The following FAM117B variants were observed in gnomAD, a reference collection of about 807,000 sequenced individuals.
FAM117B encodes protein FAM117B.
Under a neutral mutation model 52.8 loss-of-function variants are expected in FAM117B, and 22 were observed. That is an observed-to-expected ratio of 0.42 (90% CI 0.30 to 0.59). The LOEUF (loss-of-function observed/expected upper bound fraction) is 0.59, where lower values mean the gene tolerates loss of function less well. FAM117B is among the 20% of genes least tolerant of loss of function. The pLI, the probability that FAM117B is intolerant of heterozygous loss-of-function variation, is 0.22. For synonymous variants in FAM117B, 309 were observed against 324.1 expected, an observed-to-expected ratio of 0.95 and a Z score of 0.50; for missense variants, 678 against 802.6, an observed-to-expected ratio of 0.84 and a Z score of 1.88.
At chr2:202,724,620 A>T in intron 2 of FAM117B, among the ~76,000 whole-genome samples, 1 of 152,228 alleles carries the variant, frequency 6.6e-6, no homozygotes. Flanking sequence ...AACTATGGTA[A>T]CTCTAGTTAT....
chr2:202,741,416 CAAAAAAAAAA>C (rs1156278814), intron 4 of FAM117B, among the ~76,000 whole-genome samples: 23 of 34,960 alleles, frequency 6.6e-4, no homozygotes, highest in African/African-American at 2.5e-3. Context: ...GACTCTGTCT[CAAAAAAAAAA>C]AAAAAAAAAA....
chr2:202,688,190 A>G (rs1452539508), intron 1 of FAM117B, among the ~76,000 whole-genome samples: 5 of 152,120 alleles, frequency 3.3e-5, no homozygotes, highest in African/African-American at 4.8e-5. Flanking sequence ...ATTCTTCTGT[A>G]TGCATACTTA....
chr2:202,712,397 C>T (rs1690971503), intron 2 of FAM117B, among the ~76,000 whole-genome samples: 1 of 146,140 alleles, frequency 6.8e-6, no homozygotes, highest in Admixed American at 6.8e-5. Context: ...TATCCTGCAA[C>T]CTTGCTGAAT....
intron 4 of FAM117B, among the ~76,000 whole-genome samples, chr2:202,751,347 CACTAAACTGT>C (rs1490452067): frequency 1.3e-5 from 2 of 152,118 alleles, no homozygotes; most frequent in African/African-American, 2.4e-5. Flanking sequence ...TTTAGCCACC[CACTAAACTGT>C]ATATAGAGTT....
chr2:202,640,063 A>G (rs995387004), intron 1 of FAM117B, among the ~76,000 whole-genome samples: 9 of 151,814 alleles, frequency 5.9e-5, no homozygotes, highest in Non-Finnish European at 1.2e-4. Context: ...TGAGGTCAGG[A>G]GTTCGAGACC....
rs113335973 is a variant in FAM117B at position 202,725,024 on chromosome 2, T to C, written c.846+15T>C. 1 of 1,590,618 alleles carries C rather than the reference T, an allele frequency of 6.3e-7. No individual in the cohort carries two copies. The highest frequency in any genetic ancestry group is 8.6e-7 in the Non-Finnish European group (1 of 1,161,966). ...AACTTAAGGAGGTCAGAAAAATGGT[T>C]CTAAGATAGTGGGTGTGGAAATATG... On this transcript the variant is annotated intron_variant, in intron 3 of 7. Transcript: ENST00000392238.
chr2:202,727,564 A>G (rs972708105), intron 4 of FAM117B, among the ~76,000 whole-genome samples: 3 of 152,158 alleles, frequency 2.0e-5, no homozygotes, highest in Non-Finnish European at 2.9e-5. Context: ...CAGTATGACA[A>G]CTATTTACAT....
At chr2:202,725,057 T>A (rs778278236) in intron 3 of FAM117B, 48 bp downstream of exon 3, 3 of 1,433,450 alleles carry the variant, frequency 2.1e-6, no homozygotes, top group Non-Finnish European at 2.9e-6. Flanking sequence ...ATGATCCTTT[T>A]GTTGGCTATT....
intron 2 of FAM117B, among the ~76,000 whole-genome samples, chr2:202,710,559 A>G (rs1306319787): frequency 6.6e-6 from 1 of 152,182 alleles, no homozygotes; most frequent in Non-Finnish European, 1.5e-5. Context: ...TCTTTGTATT[A>G]CAGACATTCC....
At chr2:202,644,865 T>C (rs1046928847) in intron 1 of FAM117B, among the ~76,000 whole-genome samples, 1 of 152,240 alleles carries the variant, frequency 6.6e-6, no homozygotes, top group African/African-American at 2.4e-5. Flanking sequence ...ACCACCATTC[T>C]GAAATGAGGA....
At chr2:202,708,201 C>T (rs1317292025) in intron 2 of FAM117B, among the ~76,000 whole-genome samples, 1 of 152,158 alleles carries the variant, frequency 6.6e-6, no homozygotes, top group African/African-American at 2.4e-5. Context: ...TTAACTGAAA[C>T]TTTATTTCCA....
intron 1 of FAM117B, among the ~76,000 whole-genome samples, chr2:202,642,366 A>ATATAT (rs1689785357): frequency 8.1e-6 from 1 of 122,776 alleles, no homozygotes; most frequent in Non-Finnish European, 1.7e-5. Flanking sequence ...TATATATATA[A>ATATAT]AATGAGTAGA....
At chr2:202,638,388 G>C (rs1409198742) in intron 1 of FAM117B, among the ~76,000 whole-genome samples, 1 of 152,140 alleles carries the variant, frequency 6.6e-6, no homozygotes, top group African/African-American at 2.4e-5. Flanking sequence ...GGAGAACTGG[G>C]TTGAATTAAG....
intron 1 of FAM117B, among the ~76,000 whole-genome samples, chr2:202,669,738 G>A (rs375036520): frequency 7.9e-5 from 12 of 151,980 alleles, no homozygotes; most frequent in South Asian, 2.1e-4. Flanking sequence ...CTTTTTTTCC[G>A]CCTTATCCTT....
At chr2:202,644,073 T>G (rs910514031) in intron 1 of FAM117B, among the ~76,000 whole-genome samples, 39 of 145,844 alleles carry the variant, frequency 2.7e-4, no homozygotes, top group South Asian at 6.5e-4. Flanking sequence ...TGTTTTTTTT[T>G]TTTTTTTTTT....
chr2:202,727,014 T>C (rs1691255082), intron 4 of FAM117B, among the ~76,000 whole-genome samples: 3 of 152,314 alleles, frequency 2.0e-5, no homozygotes, highest in Non-Finnish European at 4.4e-5. Context: ...TTTGATTTTT[T>C]AGTAGAACCC....
chr2:202,649,995 A>G lies in FAM117B; in HGVS notation c.601+14207A>G, dbSNP rs1689933872. Reference sequence around the variant, plus strand: ...TGATTCTCCCGCCTTTAGCCTCCCAAGTAGCTGGGATTACAGACGCCTACC... The same window carrying G: ...TGATTCTCCCGCCTTTAGCCTCCCAGGTAGCTGGGATTACAGACGCCTACC... On this transcript the variant is annotated intron_variant, in intron 1 of 7. Transcript: ENST00000392238. 3.3e-5 allele frequency among the ~76,000 whole-genome samples: 5 copies of G among 151,136 alleles called. No individual in the cohort carries two copies. The South Asian group carries it at 1.0e-3, about 32-fold the overall frequency.
chr2:202,735,999 C>T lies in FAM117B; in HGVS notation c.960+9636C>T, dbSNP rs181373060. ...GTTACTATAGCCTCAAGCAAGAAAGCCCTTCCATAGGATTTTCTTATTTCT... is the reference window on the plus strand; with the variant it reads ...GTTACTATAGCCTCAAGCAAGAAAGTCCTTCCATAGGATTTTCTTATTTCT... On this transcript the variant is annotated intron_variant, in intron 4 of 7. Coordinates refer to ENST00000392238, the MANE Select transcript of FAM117B (RefSeq NM_173511.4). Among the ~76,000 whole-genome samples the T allele has an allele frequency of 2.9e-3, 448 of 152,194 alleles. 1 individual carries two copies. The highest frequency in any genetic ancestry group is 4.7e-3 in the Non-Finnish European group (320 of 68,004).
At chr2:202,682,794 A>G (rs1483679695) in intron 1 of FAM117B, among the ~76,000 whole-genome samples, 1 of 152,250 alleles carries the variant, frequency 6.6e-6, no homozygotes, top group Non-Finnish European at 1.5e-5. Flanking sequence ...ACTTTTCTAA[A>G]TAATCCATGG....
Sources: gnomAD v4.1 joint callset for allele counts (sites outside exome capture counted in the v4.1 genomes callset) on GRCh38, gnomAD v4.1.1 for gene constraint, MANE v1.5 for transcripts, NCBI Gene and HGNC (gene_info 2026-07-23, HGNC 2026-07-21) for gene names.